Variants in TDRD10 observed in about 807,000 individuals in gnomAD.
The protein encoded by TDRD10 is tudor domain-containing protein 10.
In TDRD10, 40 loss-of-function variants were observed where a neutral mutation model predicts 48.0. That is an observed-to-expected ratio of 0.83 (90% confidence interval 0.65 to 1.09). The LOEUF is 1.09. TDRD10 is among the 50% of genes least tolerant of loss of function. The pLI is 0.00. For synonymous variants in TDRD10, 162 were observed against 170.4 expected (o/e 0.95, Z 0.38); for missense variants, 378 against 434.7 (o/e 0.87, Z 1.16).
In TDRD10 at chr1:154,508,497, A is replaced by G. The variant is rs1693272989; in HGVS notation, c.141+16A>G. The G allele has an allele frequency of 1.5e-5, 24 of 1,559,454 alleles. No individual in the cohort carries two copies. The highest frequency in any genetic ancestry group is 2.1e-5 in the Non-Finnish European group (24 of 1,130,352). ...TATTTCTAAGGTATTTATTCTTCAC[A>G]ATAGGCTGCTTATCTTCCTTGGCCT... On this transcript the variant is annotated intron_variant, in intron 4 of 12. Coordinates refer to ENST00000368482, the MANE Select transcript of TDRD10 (RefSeq NM_182499.4).
chr1:154,503,468 G>GT (rs1223525572), intron 1 of TDRD10, among the ~76,000 whole-genome samples: 2 of 152,208 alleles, frequency 1.3e-5, no homozygotes, highest in African/African-American at 2.4e-5. Flanking sequence ...CGCGCCTATG[G>GT]TTGCAGCTAC....
At chr1:154,545,927 ATTTTTTTTTTTTTT>A (rs559924225) in intron 11 of TDRD10, among the ~76,000 whole-genome samples, 49 of 85,498 alleles carry the variant, frequency 5.7e-4, no homozygotes, top group African/African-American at 2.3e-3. Context: ...CACCCAGCTA[ATTTTTTTTTTTTTT>A]TTTTTTTTTT....
chr1:154,537,018 G>A (rs1694956261), intron 6 of TDRD10, among the ~76,000 whole-genome samples: 2 of 152,166 alleles, frequency 1.3e-5, no homozygotes, highest in South Asian at 4.1e-4. Context: ...TGTCACACCA[G>A]CCCTGGGGCG....
At chr1:154,506,195 A>G (rs889041528) in intron 1 of TDRD10, among the ~76,000 whole-genome samples, 7 of 152,230 alleles carry the variant, frequency 4.6e-5, no homozygotes, top group Non-Finnish European at 8.8e-5. Context: ...TCAAGGTTTC[A>G]ACAAGGCTGT....
rs543089736 is a variant in TDRD10 at position 154,513,761 on chromosome 1, T to A, written c.141+5280T>A. Among the ~76,000 whole-genome samples the A allele has an allele frequency of 7.2e-5, 11 of 152,262 alleles. No individual in the cohort carries two copies. In the South Asian group the frequency reaches 1.9e-3, roughly 26 times the overall value. On this transcript the variant is annotated intron_variant, in intron 4 of 12. Coordinates refer to ENST00000368482, the MANE Select transcript of TDRD10 (RefSeq NM_182499.4). ...GCAGATTTGTAGTCAAAAGGAAATA[T>A]AGGGAATAGAAGACCAAAATAATGC... is the stretch of plus-strand genomic sequence containing the variant.
chr1:154,512,640 G>A (rs186124259), intron 4 of TDRD10, among the ~76,000 whole-genome samples: 5 of 152,072 alleles, frequency 3.3e-5, no homozygotes, highest in Middle Eastern at 3.2e-3. Flanking sequence ...TACTGCACCC[G>A]GTGACTTTTT....
chr1:154,513,163 A>C (rs1345525109), intron 4 of TDRD10, among the ~76,000 whole-genome samples: 1 of 152,248 alleles, frequency 6.6e-6, no homozygotes, highest in Non-Finnish European at 1.5e-5. Context: ...AAGACGGAGC[A>C]ATTTGAGCAT....
chr1:154,544,699 C>T, intron 10 of TDRD10, 96 bp from the exon 11 acceptor site: 2 of 1,528,372 alleles, frequency 1.3e-6, no homozygotes, highest in East Asian at 2.3e-5. Context: ...CTCTTCCTCC[C>T]TCCTACCTCC....
At chr1:154,509,172 C>G (rs1279928038) in intron 4 of TDRD10, among the ~76,000 whole-genome samples, 6 of 144,388 alleles carry the variant, frequency 4.2e-5, no homozygotes, top group African/African-American at 1.3e-4. Flanking sequence ...GATAAACAAC[C>G]TAGTCCTTGC....
intron 6 of TDRD10, among the ~76,000 whole-genome samples, chr1:154,539,162 A>G (rs1381880360): frequency 6.6e-6 from 1 of 152,194 alleles, no homozygotes; most frequent in African/African-American, 2.4e-5. Context: ...TCTGTTTCTT[A>G]GTACCAACTG....
intron 8 of TDRD10, 47 bp downstream of exon 8, chr1:154,542,868 C>G (rs747545621): frequency 1.3e-6 from 2 of 1,490,138 alleles, no homozygotes; most frequent in Non-Finnish European, 1.9e-6. Context: ...CGATTACAGA[C>G]ATCCTCTGTC....
chr1:154,537,900 G>T (rs746547981), intron 6 of TDRD10, among the ~76,000 whole-genome samples: 9 of 152,348 alleles, frequency 5.9e-5, no homozygotes, highest in Non-Finnish European at 1.2e-4. Context: ...GCATGAGGGT[G>T]ACCATGCTTG....
At chr1:154,506,639 G>A (rs1196736617) in intron 1 of TDRD10, among the ~76,000 whole-genome samples, 1 of 152,220 alleles carries the variant, frequency 6.6e-6, no homozygotes, top group Non-Finnish European at 1.5e-5. Flanking sequence ...GCCTCCCAAA[G>A]TGTTGGGGTT....
intron 7 of TDRD10, among the ~76,000 whole-genome samples, chr1:154,542,475 A>C (rs1218054158): frequency 6.6e-6 from 1 of 152,030 alleles, no homozygotes; most frequent in East Asian, 1.9e-4. Context: ...TGATCCTTCC[A>C]CCTCAGCCTC....
At chr1:154,538,921 G>T (rs141604533) in intron 6 of TDRD10, among the ~76,000 whole-genome samples, 9 of 149,854 alleles carry the variant, frequency 6.0e-5, no homozygotes, top group African/African-American at 2.2e-4. Context: ...GGTTCAATTT[G>T]GGTCTCATTG....
intron 6 of TDRD10, among the ~76,000 whole-genome samples, chr1:154,524,036 G>T (rs1694186787): frequency 2.6e-5 from 4 of 151,832 alleles, no homozygotes; most frequent in Admixed American, 2.0e-4. Context: ...TCTTTTTTAA[G>T]ATTAACATTT....
intron 6 of TDRD10, among the ~76,000 whole-genome samples, chr1:154,531,466 C>T (rs1040281301): frequency 4.6e-5 from 7 of 152,160 alleles, no homozygotes; most frequent in Non-Finnish European, 7.3e-5. Context: ...TTCGTGGTCT[C>T]GCTGGCTCAC....
At chr1:154,525,700 C>T (rs573915390) in intron 6 of TDRD10, among the ~76,000 whole-genome samples, 2 of 152,258 alleles carry the variant, frequency 1.3e-5, no homozygotes, top group East Asian at 1.9e-4. Context: ...TCAAGACCAG[C>T]CTAGCCAACA....
rs12068497 is a variant in TDRD10, at chr1:154,518,704, C to T, written c.142-1600C>T. Among the ~76,000 whole-genome samples, 388 of 152,288 alleles carry T rather than the reference C, an allele frequency of 2.5e-3. 3 individuals are homozygous for T. Among genetic ancestry groups the T allele is most frequent in the African/African-American group, 8.9e-3 (368 of 41,560 alleles). On this transcript the variant is annotated intron_variant, in intron 4 of 12. Coordinates refer to ENST00000368482, the MANE Select transcript of TDRD10 (RefSeq NM_182499.4). ...TCAGCCTCCCAAAGTGCTGGGATTA[C>T]GGGCAGGTGAGCCACTGTGCCCAGC...
Sources: gnomAD v4.1 joint callset for allele counts (sites outside exome capture counted in the v4.1 genomes callset) on GRCh38, gnomAD v4.1.1 for gene constraint, MANE v1.5 for transcripts, NCBI Gene and HGNC (gene_info 2026-07-23, HGNC 2026-07-21) for gene names.